The following TRDN variants were observed in gnomAD, a reference collection of about 807,000 sequenced individuals.
The protein encoded by TRDN is triadin.
TRDN carries 161 observed loss-of-function variants against 149.7 expected under a neutral mutation model. The ratio of observed to expected loss-of-function variants is 1.08; its 90% CI spans 0.95 to 1.23. The LOEUF (loss-of-function observed/expected upper bound fraction) is 1.23. TRDN is among the 50% of genes most tolerant of loss of function. The pLI is 0.00. For missense variants in TRDN, 896 were observed against 823.5 expected (o/e 1.09, Z -1.08); for synonymous variants, 294 against 250.5 (o/e 1.17, Z -1.64).
At chr6:123,478,052 G>T (rs1208186585) in intron 9 of TRDN, among the ~76,000 whole-genome samples, 1 of 143,802 alleles carries the variant, frequency 7.0e-6, no homozygotes, top group African/African-American at 2.6e-5. Context: ...AAAACTTAAA[G>T]TATAATAATA....
intron 21 of TRDN, chr6:123,351,643 G>T: frequency 1.1e-6 from 1 of 952,116 alleles, no homozygotes; most frequent in Non-Finnish European, 1.2e-6. Flanking sequence ...GACATGTGAG[G>T]GATTGAAGGA....
intron 7 of TRDN, among the ~76,000 whole-genome samples, chr6:123,510,626 G>C (rs925228791): frequency 2.0e-5 from 3 of 146,688 alleles, no homozygotes; most frequent in East Asian, 4.1e-4. Context: ...TATTGATCAA[G>C]ATTTATGCAT....
intron 1 of TRDN, among the ~76,000 whole-genome samples, chr6:123,579,490 A>G (rs1783013869): frequency 6.6e-6 from 1 of 152,154 alleles, no homozygotes; most frequent in African/African-American, 2.4e-5. Context: ...AGGGATGAAG[A>G]CTACTTGATA....
At chr6:123,480,390 TA>T (rs1381837473) in intron 9 of TRDN, among the ~76,000 whole-genome samples, 2 of 152,130 alleles carry the variant, frequency 1.3e-5, no homozygotes, top group African/African-American at 4.8e-5. Context: ...CACTAATAAA[TA>T]AATAATAACT....
intron 38 of TRDN, among the ~76,000 whole-genome samples, chr6:123,232,369 T>C (rs1775634583): frequency 6.6e-6 from 1 of 151,882 alleles, no homozygotes; most frequent in African/African-American, 2.4e-5. Flanking sequence ...GAACTTGAGG[T>C]TAGCTATTTG....
chr6:123,452,067 T>C lies in TRDN; in HGVS notation c.931+12839A>G, dbSNP rs139578896. Among the ~76,000 whole-genome samples, 106 of 152,186 alleles carry C rather than the reference T, an allele frequency of 7.0e-4. 1 individual carries two copies. The highest frequency in any genetic ancestry group is 4.3e-3 in the East Asian group (22 of 5,164). ...CAGCATCACTTTGTGATTAAAACTC[T>C]CAGCAAAATCAGCATTCAAGGGACA... On this transcript the variant is annotated intron_variant, in intron 10 of 40. Coordinates refer to ENST00000334268, the MANE Select transcript of TRDN (RefSeq NM_006073.4).
chr6:123,390,096 T>C (rs1332902586), intron 13 of TRDN, among the ~76,000 whole-genome samples: 1 of 152,090 alleles, frequency 6.6e-6, no homozygotes, highest in Non-Finnish European at 1.5e-5. Flanking sequence ...AACATAAAAT[T>C]ACCCCCTCGA....
chr6:123,452,557 C>T (rs7771936), intron 10 of TRDN, among the ~76,000 whole-genome samples: 22,919 of 151,718 alleles, frequency 0.15, 2,243 homozygotes, highest in African/African-American at 0.28. Flanking sequence ...AGTCGAAAGA[C>T]CTCTACAAGG....
chr6:123,223,476 T>A (rs962038418), intron 39 of TRDN, among the ~76,000 whole-genome samples: 1 of 151,746 alleles, frequency 6.6e-6, no homozygotes, highest in African/African-American at 2.4e-5. Context: ...GCCTATTTTA[T>A]AGCAGCCCTA....
chr6:123,514,900 G>T (rs1237451907), intron 6 of TRDN, among the ~76,000 whole-genome samples: 2 of 151,824 alleles, frequency 1.3e-5, no homozygotes, highest in African/African-American at 4.8e-5. Context: ...TGGACTCGGG[G>T]GTAACATCAC....
chr6:123,355,055 C>T (rs1780608671), intron 20 of TRDN, among the ~76,000 whole-genome samples: 1 of 151,646 alleles, frequency 6.6e-6, no homozygotes, highest in Admixed American at 6.6e-5. Context: ...TTTTCATATA[C>T]TTATCAGCAT....
chr6:123,377,678 A>T (rs1382715036), intron 18 of TRDN, 38 bp downstream of exon 18: 4 of 1,612,000 alleles, frequency 2.5e-6, no homozygotes, highest in Non-Finnish European at 3.4e-6. Context: ...AACACTGGAC[A>T]TGAGTATTCG....
intron 2 of TRDN, among the ~76,000 whole-genome samples, chr6:123,558,305 C>A (rs1781791172): frequency 6.6e-6 from 1 of 152,038 alleles, no homozygotes. Flanking sequence ...CATCGCCAGG[C>A]TGAGCTAGGT....
chr6:123,557,867 A>G (rs1301771968), intron 2 of TRDN, among the ~76,000 whole-genome samples: 1 of 148,912 alleles, frequency 6.7e-6, no homozygotes, highest in Non-Finnish European at 1.5e-5. Flanking sequence ...CTCCTTCACT[A>G]TGGACAACCT....
At chr6:123,251,272 A>G (rs899584825) in intron 38 of TRDN, among the ~76,000 whole-genome samples, 2 of 152,120 alleles carry the variant, frequency 1.3e-5, no homozygotes. Flanking sequence ...ATTGTCTTCA[A>G]TATTAACATT....
intron 2 of TRDN, among the ~76,000 whole-genome samples, chr6:123,554,364 A>G (rs1330416473): frequency 1.3e-5 from 2 of 152,184 alleles, no homozygotes; most frequent in Non-Finnish European, 2.9e-5. Flanking sequence ...TGTAATATAT[A>G]ATTGATATCT....
At chr6:123,496,710 C>T (rs891352898) in intron 9 of TRDN, among the ~76,000 whole-genome samples, 1 of 152,018 alleles carries the variant, frequency 6.6e-6, no homozygotes, top group Non-Finnish European at 1.5e-5. Context: ...CTATCTCCAT[C>T]AATAGTTCTT....
chr6:123,410,430 C>T (rs1482561332), intron 12 of TRDN, among the ~76,000 whole-genome samples: 1 of 152,006 alleles, frequency 6.6e-6, no homozygotes, highest in East Asian at 1.9e-4. Flanking sequence ...TACAGCAAAA[C>T]AAAAAGTGAT....
At chr6:123,296,444 CT>C (rs1778201193) in intron 24 of TRDN, among the ~76,000 whole-genome samples, 1 of 152,096 alleles carries the variant, frequency 6.6e-6, no homozygotes, top group Admixed American at 6.6e-5. Context: ...TAATGGGATG[CT>C]TCAATCAGTT....
Sources: gnomAD v4.1 joint callset for allele counts (sites outside exome capture counted in the v4.1 genomes callset) on GRCh38, gnomAD v4.1.1 for gene constraint, MANE v1.5 for transcripts, NCBI Gene and HGNC (gene_info 2026-07-23, HGNC 2026-07-21) for gene names.